The following LZTS2 variants were observed in gnomAD, a reference collection of about 807,000 sequenced individuals.
LZTS2 encodes leucine zipper putative tumor suppressor 2.
In LZTS2, 32 loss-of-function variants were observed where a neutral mutation model predicts 60.6. The ratio of observed to expected loss-of-function variants is 0.53; its 90% confidence interval spans 0.40 to 0.71. The LOEUF (loss-of-function observed/expected upper bound fraction) is 0.71, where lower values mean the gene tolerates loss of function less well. LZTS2 is among the 30% of genes least tolerant of loss of function. The probability of loss-of-function intolerance (pLI) is 0.00; values close to 1 mark genes in which losing one functional copy is unlikely to be tolerated. For missense variants in LZTS2, 792 were observed against 901.9 expected (o/e 0.88, Z 1.56); for synonymous variants, 360 against 393.1 (o/e 0.92, Z 1.00).
At chr10:100,999,191 G>C (rs1242789098), upstream of LZTS2, among the ~76,000 whole-genome samples, 1 of 152,216 alleles carries the variant, frequency 6.6e-6, no homozygotes, top group Non-Finnish European at 1.5e-5. Flanking sequence ...GGTTCGCGGG[G>C]AAAAGGGCAC....
At chr10:101,002,830 G>C (rs1437289408) in exon 1 of LZTS2, 6 of 1,613,890 alleles carry the variant, frequency 3.7e-6, no homozygotes, top group Non-Finnish European at 5.1e-6. Context: ...CTTCCGGACA[G>C]AGTCACCCCC....
rs1263461488 is a variant in LZTS2, at chr10:101,002,954, C to A, written c.408+8C>A. ...TCTGGAAAGCTGGAGAAGGTGAGGA[C>A]CGGCTCTTCCTTGTGGGCCTGGGTA... On this transcript the variant is annotated splice_region_variant and intron_variant, in intron 1 of 3. Transcript: ENST00000370220. The A allele has an allele frequency of 1.2e-6, 2 of 1,602,668 alleles. No homozygotes were observed. Among genetic ancestry groups the A allele is most frequent in the South Asian group, 2.2e-5 (2 of 89,776 alleles).
chr10:100,999,457 G>C (rs1851980961), upstream of LZTS2: 2 of 152,526 alleles, frequency 1.3e-5, no homozygotes, highest in East Asian at 1.9e-4. Context: ...GCTTCGCCTG[G>C]AGAAGCGGAG....
intron 1 of LZTS2, 59 bp from the exon 3 acceptor site, chr10:101,003,448 A>C: frequency 6.7e-7 from 1 of 1,498,970 alleles, no homozygotes; most frequent in South Asian, 1.4e-5. Context: ...AGGGAGTGTC[A>C]TAAGGGCTCT....
chr10:101,005,506 C>A, exon 3 of LZTS2: 1 of 1,589,170 alleles, frequency 6.3e-7, no homozygotes, highest in Non-Finnish European at 8.6e-7. Flanking sequence ...TGAGGCCCTG[C>A]GAGAGGACTG....
At chr10:101,006,712 G>C (rs1384350725) in exon 4 of LZTS2, 1 of 1,602,692 alleles carries the variant, frequency 6.2e-7, no homozygotes, top group Non-Finnish European at 8.5e-7. Context: ...GACACCGCCA[G>C]GAAGCTGAGC....
chr10:101,002,624 T>G, exon 1 of LZTS2: 2 of 1,597,646 alleles, frequency 1.3e-6, no homozygotes, highest in South Asian at 1.1e-5. Context: ...ATGGGTAGTG[T>G]GAGCAGCCTT....
At chr10:101,003,556 C>G in exon 2 of LZTS2, 1 of 1,546,568 alleles carries the variant, frequency 6.5e-7, no homozygotes, top group South Asian at 1.2e-5. Flanking sequence ...CCAGTGCTGC[C>G]CAAACCTCGA....
At chr10:101,005,406 GT>G in intron 2 of LZTS2, 51 bp from the exon 4 acceptor site, 1 of 1,503,476 alleles carries the variant, frequency 6.7e-7, no homozygotes, top group Non-Finnish European at 8.9e-7. Context: ...CAGACACTGA[GT>G]GGGGAGTTGG....
exon 1 of LZTS2, chr10:101,002,511 C>A (rs888023869): frequency 1.4e-5 from 21 of 1,497,734 alleles, no homozygotes; most frequent in South Asian, 4.1e-5. Flanking sequence ...CCTGCGAGGC[C>A]GCTGGCCAGG....
chr10:101,007,039 C>A, exon 4 of LZTS2: 1 of 1,594,156 alleles, frequency 6.3e-7, no homozygotes, highest in Non-Finnish European at 8.5e-7. Flanking sequence ...TGTACCGGCG[C>A]AACCGGCAGC....
chr10:101,007,734 C>G, exon 4 of LZTS2: 1 of 851,338 alleles, frequency 1.2e-6, no homozygotes, highest in Non-Finnish European at 1.4e-6. Flanking sequence ...TCTCCCTTCA[C>G]CCAGGTTTAT....
rs1218065878 is a variant in LZTS2, at chr10:101,007,668, G to A, written c.*500G>A. Reference sequence around the variant, plus strand: ...TCCTGGAGTGAGGGGGCTGAAGTCAGACCAAAGGAAGAACTCAGAAATGTC... The same window carrying A: ...TCCTGGAGTGAGGGGGCTGAAGTCAAACCAAAGGAAGAACTCAGAAATGTC... On this transcript the variant is annotated 3_prime_UTR_variant, in exon 4 of 4. Coordinates refer to ENST00000370220, the Ensembl canonical transcript of LZTS2. The A allele has an allele frequency of 1.7e-5, 18 of 1,083,214 alleles. 1 individual carries two copies. The South Asian group carries it at 3.9e-4, about 23-fold the overall frequency. 67.1% of individuals were successfully genotyped at this position (1,083,214 alleles called of 1,614,324 possible).
At chr10:100,999,546 C>T (rs936972674) in exon 1 of LZTS2, 1 of 152,236 alleles carries the variant, frequency 6.6e-6, no homozygotes, top group Non-Finnish European at 1.5e-5. Flanking sequence ...GGGGCCCCGG[C>T]TGGGGTTGAG....
chr10:101,002,703 C>T, exon 1 of LZTS2: 1 of 1,611,220 alleles, frequency 6.2e-7, no homozygotes, highest in Non-Finnish European at 8.5e-7. Context: ...GGCCCACCTT[C>T]TTCCGCCAGC....
At chr10:100,999,164 C>A (rs1851972927), upstream of LZTS2, among the ~76,000 whole-genome samples, 1 of 152,218 alleles carries the variant, frequency 6.6e-6, no homozygotes, top group Admixed American at 6.5e-5. Context: ...CACGCGGTCG[C>A]GCCAGAGGCC....
At chr10:101,006,414 C>CA in intron 3 of LZTS2, 71 bp from the exon 5 acceptor site, 1 of 1,499,930 alleles carries the variant, frequency 6.7e-7, no homozygotes, top group South Asian at 1.3e-5. Context: ...AAATGCCCAG[C>CA]ATGATGTGCA....
exon 1 of LZTS2, chr10:101,002,580 T>C (rs747701306): frequency 6.5e-7 from 1 of 1,544,040 alleles, no homozygotes; most frequent in Non-Finnish European, 8.7e-7. Context: ...TGGAGCCTGC[T>C]CCTGAAGCTG....
rs530492846 is a variant in LZTS2 at position 101,005,690 on chromosome 10, C to T, written c.1301C>T (p.Pro434Leu). The T allele has an allele frequency of 1.3e-5, 21 of 1,595,388 alleles. No homozygotes were observed. In the East Asian group the frequency reaches 2.5e-4, roughly 19 times the overall value. Residue 434 changes from proline (P) to leucine (L), a missense_variant, in exon 3 of 4, where the codon CCG becomes CTG. By Grantham distance (98) the Pro-to-Leu change is moderately conservative (BLOSUM62 -3). Coordinates refer to ENST00000370220, the Ensembl canonical transcript of LZTS2. ...GAGCGGGAGCAGCGGGAGCTCGGGC[C>T]GAGGCTTGAGGAGACCAAGTGGGAG...
Sources: gnomAD v4.1 joint callset for allele counts (sites outside exome capture counted in the v4.1 genomes callset) on GRCh38, gnomAD v4.1.1 for gene constraint, MANE v1.5 for transcripts, NCBI Gene and HGNC (gene_info 2026-07-23, HGNC 2026-07-21) for gene names.